Variants in RGS3 observed in about 807,000 individuals in gnomAD.
RGS3 encodes regulator of G protein signaling 3.
Under a neutral mutation model 132.6 loss-of-function variants are expected in RGS3, and 80 were observed. The ratio of observed to expected loss-of-function variants is 0.60; its 90% CI spans 0.50 to 0.73. RGS3 has a LOEUF of 0.73. Among genes scored for constraint, RGS3 ranks in the 30% least tolerant of loss-of-function variants. The pLI is 0.00. For synonymous variants in RGS3, 598 were observed against 620.6 expected, an observed-to-expected ratio of 0.96 and a Z score of 0.54; for missense variants, 1,382 against 1,530.8, an observed-to-expected ratio of 0.90 and a Z score of 1.62.
At chr9:113,536,961 C>A (rs1832707042) in intron 19 of RGS3, 43 bp downstream of exon 17, 1 of 1,589,394 alleles carries the variant, frequency 6.3e-7, no homozygotes, top group Non-Finnish European at 8.6e-7. Context: ...GCCTCGTTTC[C>A]CCTCAGCCAG....
chr9:113,493,368 G>A (rs911061092), intron 7 of RGS3, among the ~76,000 whole-genome samples: 1 of 152,224 alleles, frequency 6.6e-6, no homozygotes, highest in African/African-American at 2.4e-5. Flanking sequence ...CAAGGAAGAA[G>A]GCAGCAGATG....
At chr9:113,452,910 T>C (rs1263983804) in intron 1 of RGS3, among the ~76,000 whole-genome samples, 1 of 136,676 alleles carries the variant, frequency 7.3e-6, no homozygotes, top group East Asian at 2.0e-4. Context: ...TAAATATATA[T>C]TATATATTTA....
At chr9:113,510,931 T>C (rs1831374582) in intron 14 of RGS3, among the ~76,000 whole-genome samples, 1 of 152,166 alleles carries the variant, frequency 6.6e-6, no homozygotes, top group Non-Finnish European at 1.5e-5. Flanking sequence ...TAAACACACT[T>C]GGGATTGTCC....
intron 1 of RGS3, chr9:113,461,700 C>T (rs1417908639): frequency 6.2e-7 from 1 of 1,612,062 alleles, no homozygotes; most frequent in African/African-American, 1.3e-5. Flanking sequence ...GGTCTTTTCT[C>T]TCCTAGGTCA....
intron 10 of RGS3, chr9:113,501,223 G>A (rs1830874781): frequency 6.3e-6 from 2 of 318,218 alleles, no homozygotes; most frequent in South Asian, 6.6e-5. Context: ...CTCCAGTGAG[G>A]GGTGTTTGTG....
chr9:113,591,446 C>G lies in RGS3; in HGVS notation c.3080+49C>G, dbSNP rs766493176. On this transcript the variant is annotated intron_variant, in intron 21 of 24. Transcript: ENST00000350696. The surrounding 1 kb of genome is among the most constrained non-coding windows in gnomAD (Gnocchi z 4.4). ...TCTGCGCTCCTCTTCCTCCCTTGCC[C>G]CAGGGCTTGTCTCTCCTCTAGGGGT... 12 of 1,546,744 alleles carry G rather than the reference C, an allele frequency of 7.8e-6. No homozygotes were observed. The highest frequency in any genetic ancestry group is 9.8e-6 in the Non-Finnish European group (11 of 1,119,830).
intron 20 of RGS3, among the ~76,000 whole-genome samples, chr9:113,586,471 CTT>C (rs1835122472): frequency 1.3e-5 from 2 of 152,266 alleles, no homozygotes; most frequent in African/African-American, 4.8e-5. Flanking sequence ...CCAGCTCTCT[CTT>C]GTCTCAGCTT....
At chr9:113,466,695 G>C (rs1041265497) in intron 3 of RGS3, among the ~76,000 whole-genome samples, 13 of 152,056 alleles carry the variant, frequency 8.5e-5, no homozygotes, top group African/African-American at 2.9e-4. Flanking sequence ...ATTTTGATTA[G>C]GATATTTGCT....
intron 7 of RGS3, among the ~76,000 whole-genome samples, chr9:113,491,352 G>A (rs1354738562): frequency 1.3e-5 from 2 of 151,348 alleles, no homozygotes; most frequent in South Asian, 2.1e-4. Flanking sequence ...CCCAGGTAGC[G>A]ATTCTCTGGC....
chr9:113,462,257 G>A, intron 3 of RGS3: 1 of 1,357,870 alleles, frequency 7.4e-7, no homozygotes, highest in Non-Finnish European at 9.9e-7. Context: ...TCTTGTTAAA[G>A]GCAGTGTTCA....
chr9:113,526,225 A>T (rs1193971165), intron 17 of RGS3, among the ~76,000 whole-genome samples: 1 of 152,180 alleles, frequency 6.6e-6, no homozygotes, highest in African/African-American at 2.4e-5. Flanking sequence ...GTCACCTTAG[A>T]GCCAGGTAGG....
At chr9:113,505,035 C>T (rs996377974) in intron 10 of RGS3, 21 of 195,356 alleles carry the variant, frequency 1.1e-4, no homozygotes, top group African/African-American at 3.4e-4. Flanking sequence ...CCCAGGCTAA[C>T]GCTCTGTGAA....
chr9:113,595,288 C>A (rs914648863), intron 23 of RGS3, among the ~76,000 whole-genome samples: 1 of 152,192 alleles, frequency 6.6e-6, no homozygotes, highest in East Asian at 1.9e-4. Context: ...GCTTTCACGG[C>A]GCCAAATGTG....
At chr9:113,490,219 G>A (rs887918455) in intron 7 of RGS3, among the ~76,000 whole-genome samples, 1 of 152,132 alleles carries the variant, frequency 6.6e-6, no homozygotes, top group Non-Finnish European at 1.5e-5. Flanking sequence ...TTTCAAATGT[G>A]TGCAGAGGTA....
rs1484772896 is a variant in RGS3 at position 113,591,891 on chromosome 9, C to A, written c.3080+494C>A. On this transcript the variant is annotated intron_variant, in intron 21 of 24. Coordinates refer to ENST00000350696, the Ensembl canonical transcript of RGS3. The surrounding 1 kb of genome is among the most constrained non-coding windows in gnomAD (Gnocchi z 4.4). Reference sequence around the variant, plus strand: ...CACTCGCCAAGCCTTTCTGGCCACACTCAGGCCTTCTTATACTATAGGGTG... The same window carrying A: ...CACTCGCCAAGCCTTTCTGGCCACAATCAGGCCTTCTTATACTATAGGGTG... The A allele has an allele frequency of 5.9e-6, 1 of 170,090 alleles. No individual in the cohort carries two copies. Among genetic ancestry groups the A allele is most frequent in the Non-Finnish European group, 1.3e-5 (1 of 76,764 alleles). The allele number at this position is 170,090 out of a possible 1,614,324, so 10.5% of individuals were successfully genotyped here.
chr9:113,594,046 T>A, intron 21 of RGS3: 1 of 1,612,996 alleles, frequency 6.2e-7, no homozygotes, highest in South Asian at 1.1e-5. Flanking sequence ...GAAGGAATTT[T>A]TTTTTCCGCT....
chr9:113,583,311 G>T (rs1588287311), intron 19 of RGS3, 139 bp from the exon 18 acceptor site: 5 of 1,419,356 alleles, frequency 3.5e-6, no homozygotes, highest in East Asian at 5.0e-5. Flanking sequence ...GGCTTTGGGG[G>T]TTCCATCTGG....
At chr9:113,477,660 C>A (rs2119205283) in intron 3 of RGS3, among the ~76,000 whole-genome samples, 1 of 152,198 alleles carries the variant, frequency 6.6e-6, no homozygotes. Context: ...AGGAAAGAGC[C>A]CAGAGAATGC....
intron 3 of RGS3, among the ~76,000 whole-genome samples, chr9:113,476,154 T>G (rs761044245): frequency 5.3e-5 from 8 of 152,264 alleles, no homozygotes; most frequent in Non-Finnish European, 7.4e-5. Context: ...TCCCCGATGG[T>G]TCTCTCTACC....
Sources: allele counts gnomAD v4.1 joint callset (sites outside exome capture counted in the v4.1 genomes callset), GRCh38; gene constraint gnomAD v4.1.1; non-coding constraint Gnocchi (gnomAD v3.1); transcripts MANE v1.5; gene names NCBI Gene and HGNC (gene_info 2026-07-23, HGNC 2026-07-21).